The following IRAK1BP1 variants were observed in gnomAD, a reference collection of about 807,000 sequenced individuals.
The protein encoded by IRAK1BP1 is interleukin 1 receptor associated kinase 1 binding protein 1.
Under a neutral mutation model 28.0 loss-of-function variants are expected in IRAK1BP1, and 24 were observed. The ratio of observed to expected loss-of-function variants is 0.86; its 90% CI spans 0.62 to 1.20. The LOEUF is 1.20. IRAK1BP1 is among the 50% of genes most tolerant of loss of function. The pLI is 0.00. For synonymous variants in IRAK1BP1, 131 were observed against 116.3 expected (o/e 1.13, Z -0.81); for missense variants, 336 against 316.7 (o/e 1.06, Z -0.46).
At chr6:78,870,452 G>C (rs949392607) in intron 1 of IRAK1BP1, among the ~76,000 whole-genome samples, 1 of 151,880 alleles carries the variant, frequency 6.6e-6, no homozygotes, top group Admixed American at 6.6e-5. Context: ...TTTTTTGCCT[G>C]TATGAGTTAT....
At chr6:78,948,297 T>C (rs1481671821), downstream of IRAK1BP1, among the ~76,000 whole-genome samples, 1 of 152,154 alleles carries the variant, frequency 6.6e-6, no homozygotes, top group Non-Finnish European at 1.5e-5. Context: ...GAATTACGAA[T>C]GTAAATAGTT....
intron 4 of IRAK1BP1, chr6:78,941,320 C>G: frequency 1.9e-6 from 3 of 1,612,296 alleles, no homozygotes; most frequent in Non-Finnish European, 2.5e-6. Context: ...GAGCGTTGTT[C>G]TTACAATCTC....
At chr6:78,959,174 A>G in the IRAK1BP1 span, among the ~76,000 whole-genome samples, 1 of 152,156 alleles carries the variant, frequency 6.6e-6, no homozygotes, top group Non-Finnish European at 1.5e-5. Flanking sequence ...TAAAATCTGG[A>G]GTTTTACAAT....
Position 78,897,899 on chromosome 6 carries a change from GC to G in IRAK1BP1, c.453del (p.Ser152LeufsTer46), listed in dbSNP as rs1481535523. Reference sequence around the variant, plus strand: ...AACTTTCTTGTTGAAAAGCTAGATAGCTCTGTTGTCATCAGCCCACCCCAGT... The same window carrying G: ...AACTTTCTTGTTGAAAAGCTAGATAGTCTGTTGTCATCAGCCCACCCCAGT... Reference protein sequence around the residue: ...ICNFLVEKLDSSVVISPPQFY... With the variant: ...ICNFLVEKLDXSVVISPPQFY... On this transcript the variant is annotated frameshift_variant, in exon 3 of 4. Transcript: ENST00000369940. LOFTEE classifies it high-confidence loss of function. 6.2e-7 allele frequency: 1 copy of G among 1,613,916 alleles called. No individual in the cohort carries two copies. The highest frequency in any genetic ancestry group is 1.3e-5 in the African/African-American group (1 of 75,016).
At chr6:78,964,462 CTTAT>C in the IRAK1BP1 span, among the ~76,000 whole-genome samples, 1 of 151,932 alleles carries the variant, frequency 6.6e-6, no homozygotes, top group African/African-American at 2.4e-5. Context: ...TTTTAAAGAT[CTTAT>C]TTATTTTTAT....
the IRAK1BP1 span, among the ~76,000 whole-genome samples, chr6:78,976,284 C>G: frequency 2.7e-5 from 4 of 148,686 alleles, no homozygotes; most frequent in African/African-American, 7.4e-5. Context: ...AAAGGATTCC[C>G]TATTTAATAA....
At chr6:78,933,606 ACT>A (rs964050005) in intron 4 of IRAK1BP1, among the ~76,000 whole-genome samples, 13 of 151,194 alleles carry the variant, frequency 8.6e-5, no homozygotes, top group African/African-American at 2.2e-4. Flanking sequence ...CAAGAGCAAA[ACT>A]CTGTCTCAAA....
intron 2 of IRAK1BP1, among the ~76,000 whole-genome samples, chr6:78,895,258 G>A (rs927665800): frequency 6.6e-6 from 1 of 152,060 alleles, no homozygotes; most frequent in Non-Finnish European, 1.5e-5. Context: ...ATGTGTCAAA[G>A]AAGAAATTGA....
chr6:78,948,818 T>A (rs2063123), downstream of IRAK1BP1, among the ~76,000 whole-genome samples: 1 of 151,966 alleles, frequency 6.6e-6, no homozygotes, highest in Non-Finnish European at 1.5e-5. Flanking sequence ...AGTCCCTCAG[T>A]ATGCGACTAT....
At chr6:78,966,123 C>T in the IRAK1BP1 span, 23 of 989,064 alleles carry the variant, frequency 2.3e-5, no homozygotes, top group East Asian at 2.9e-4. Flanking sequence ...TTTTTCCTAA[C>T]GTTAACCTTT....
chr6:78,967,660 G>A, the IRAK1BP1 span, among the ~76,000 whole-genome samples: 1 of 152,052 alleles, frequency 6.6e-6, no homozygotes, highest in Non-Finnish European at 1.5e-5. Flanking sequence ...CCATAAATTA[G>A]AATAAAATTG....
chr6:78,955,815 T>C, the IRAK1BP1 span: 2 of 466,656 alleles, frequency 4.3e-6, no homozygotes, highest in South Asian at 3.7e-5. Context: ...ATTGGCTTAC[T>C]CCAATAATTT....
the IRAK1BP1 span, among the ~76,000 whole-genome samples, chr6:78,974,466 A>G: frequency 6.6e-6 from 1 of 151,880 alleles, no homozygotes; most frequent in Non-Finnish European, 1.5e-5. Flanking sequence ...AATTAAAAGA[A>G]CTAGAAAAGC....
At chr6:78,962,805 A>G in the IRAK1BP1 span, among the ~76,000 whole-genome samples, 68,931 of 151,934 alleles carry the variant, frequency 0.45, 16,236 homozygotes, top group East Asian at 0.69. Flanking sequence ...GTCAGCCTGA[A>G]TATGTCAAGT....
At chr6:78,964,427 G>A in the IRAK1BP1 span, among the ~76,000 whole-genome samples, 63 of 152,184 alleles carry the variant, frequency 4.1e-4, no homozygotes, top group African/African-American at 1.4e-3. Context: ...TACTATGTTA[G>A]AAATTAGATG....
intron 4 of IRAK1BP1, among the ~76,000 whole-genome samples, chr6:78,922,477 G>A (rs982580717): frequency 6.6e-6 from 1 of 152,196 alleles, no homozygotes; most frequent in Non-Finnish European, 1.5e-5. Context: ...GGGGAGAATG[G>A]AACCAAGTTG....
intron 4 of IRAK1BP1, among the ~76,000 whole-genome samples, chr6:78,908,812 A>T (rs1447794830): frequency 6.6e-6 from 1 of 152,198 alleles, no homozygotes; most frequent in Non-Finnish European, 1.5e-5. Context: ...TAATAGGTAG[A>T]AGATGGTGAG....
chr6:78,950,934 T>C (rs1299909558), downstream of IRAK1BP1, among the ~76,000 whole-genome samples: 4 of 152,120 alleles, frequency 2.6e-5, no homozygotes, highest in Non-Finnish European at 4.4e-5. Context: ...GAGCTTCGAT[T>C]ATTGATTTGA....
chr6:78,943,776 C>T (rs1183982801), intron 4 of IRAK1BP1, among the ~76,000 whole-genome samples: 1 of 151,646 alleles, frequency 6.6e-6, no homozygotes, highest in African/African-American at 2.4e-5. Flanking sequence ...CACCAGAGGC[C>T]AGAAGTTTGA....
Sources: allele counts gnomAD v4.1 joint callset (sites outside exome capture counted in the v4.1 genomes callset), GRCh38; gene constraint gnomAD v4.1.1; transcripts MANE v1.5; gene names NCBI Gene and HGNC (gene_info 2026-07-23, HGNC 2026-07-21).